Variants in ITGA6 observed in about 807,000 individuals in gnomAD.
ITGA6 encodes the protein integrin subunit alpha 6, also known as integrin alpha-6.
A neutral mutation model predicts 133.6 loss-of-function variants in ITGA6; 63 were observed. That is an observed-to-expected ratio of 0.47 (90% CI 0.38 to 0.58). ITGA6 has a LOEUF of 0.58. ITGA6 is among the 20% of genes least tolerant of loss of function. ITGA6 has a pLI of 0.00. For synonymous variants in ITGA6, 434 were observed against 482.0 expected, an observed-to-expected ratio of 0.90 and a Z score of 1.30; for missense variants, 1,068 against 1,309.4, an observed-to-expected ratio of 0.82 and a Z score of 2.85.
At chr2:172,454,685 A>G (rs779036581) in intron 1 of ITGA6, among the ~76,000 whole-genome samples, 4 of 152,186 alleles carry the variant, frequency 2.6e-5, no homozygotes, top group Non-Finnish European at 5.9e-5. Context: ...CTGCTGCTAC[A>G]TTAGGTTAAA....
At chr2:172,441,887 C>T (rs1684558696) in intron 1 of ITGA6, among the ~76,000 whole-genome samples, 2 of 152,104 alleles carry the variant, frequency 1.3e-5, no homozygotes, top group Admixed American at 1.3e-4. Context: ...CCCACTAGAA[C>T]CCCATCCCGC....
chr2:172,430,292 A>G (rs1684054372), intron 1 of ITGA6, among the ~76,000 whole-genome samples: 1 of 152,238 alleles, frequency 6.6e-6, no homozygotes, highest in East Asian at 1.9e-4. Flanking sequence ...TTGTGTACCT[A>G]CTGTGTGTCA....
chr2:172,498,413 G>C (rs1319912268), intron 24 of ITGA6, among the ~76,000 whole-genome samples: 5 of 152,136 alleles, frequency 3.3e-5, no homozygotes, highest in African/African-American at 1.2e-4. Flanking sequence ...TAAGATATAA[G>C]TCTGGATCTA....
At chr2:172,441,750 T>C (rs1464699425) in intron 1 of ITGA6, among the ~76,000 whole-genome samples, 1 of 152,194 alleles carries the variant, frequency 6.6e-6, no homozygotes, top group East Asian at 1.9e-4. Flanking sequence ...CCTGGAAAGG[T>C]AGACCACCAT....
intron 4 of ITGA6, among the ~76,000 whole-genome samples, chr2:172,469,777 T>G (rs6755605): frequency 0.15 from 22,342 of 152,208 alleles, 1,755 homozygotes; most frequent in South Asian, 0.18. Flanking sequence ...ACATGGACAT[T>G]AATAACAGAG....
chr2:172,470,503 A>G (rs959428653), intron 4 of ITGA6, among the ~76,000 whole-genome samples: 6 of 152,182 alleles, frequency 3.9e-5, no homozygotes, highest in Non-Finnish European at 8.8e-5. Flanking sequence ...ATGAAAACTT[A>G]TGTTTTAAAT....
chr2:172,487,714 TTA>T lies in ITGA6; in HGVS notation c.2245-12_2245-11del, dbSNP rs1426419295. On this transcript the variant is annotated splice_polypyrimidine_tract_variant and intron_variant, in intron 16 of 25. Coordinates refer to ENST00000684293, the MANE Select transcript of ITGA6 (RefSeq NM_000210.4). ...ATGCATGGCCTGTGTTAACAGCTAT[TTA>T]TGTTTTTTTAGGTCACTTTTTATTT... 1 of 1,605,808 alleles carries T rather than the reference TTA, an allele frequency of 6.2e-7. No homozygotes were observed. Among genetic ancestry groups the T allele is most frequent in the Non-Finnish European group, 8.5e-7 (1 of 1,173,128 alleles).
rs1387497649 is a variant in ITGA6 at position 172,506,124 on chromosome 2, A to ATTAT, written c.*2059_*2062dup. 1 of 152,632 alleles carries ATTAT rather than the reference A, an allele frequency of 6.6e-6. No individual in the cohort carries two copies. Among genetic ancestry groups the ATTAT allele is most frequent in the African/African-American group, 2.4e-5 (1 of 41,460 alleles). 9.5% of individuals were successfully genotyped at this position (152,632 alleles called of 1,614,324 possible). On this transcript the variant is annotated 3_prime_UTR_variant, in exon 26 of 26. Coordinates refer to ENST00000684293, the MANE Select transcript of ITGA6 (RefSeq NM_000210.4). ...TTTTTGTACTAACTAGCATTGTAAA[A>ATTAT]TTATTTCATGATTAGAAATTACCTG...
At chr2:172,438,242 C>T (rs1684405082) in intron 1 of ITGA6, among the ~76,000 whole-genome samples, 1 of 151,624 alleles carries the variant, frequency 6.6e-6, no homozygotes, top group Admixed American at 6.6e-5. Context: ...GTTGGTGTGA[C>T]CTCACCAACT....
rs1685635954 is a variant in ITGA6 at position 172,465,716 on chromosome 2, T to C, written c.307+53T>C. On this transcript the variant is annotated intron_variant, in intron 2 of 25. Transcript: ENST00000684293. ...CACTCCGGCAGCTTGCCTGTACTGTTTCCATGAGGGAGGAGAGTGGGGACA... is the reference window on the plus strand; with the variant it reads ...CACTCCGGCAGCTTGCCTGTACTGTCTCCATGAGGGAGGAGAGTGGGGACA... The C allele has an allele frequency of 3.7e-6, 6 of 1,612,410 alleles. No homozygotes were observed. In the East Asian group the frequency reaches 1.3e-4, roughly 36 times the overall value.
Position 172,491,214 on chromosome 2 carries a change from T to C in ITGA6, c.2779-7T>C. Reference sequence around the variant, plus strand: ...CTTTTGATGACCATTCTTCTTTTTCTCTCTAGAACTGTAGCGTGAACGTGA... The same window carrying C: ...CTTTTGATGACCATTCTTCTTTTTCCCTCTAGAACTGTAGCGTGAACGTGA... On this transcript the variant is annotated splice_polypyrimidine_tract_variant and splice_region_variant and intron_variant, in intron 21 of 25. Coordinates refer to ENST00000684293, the MANE Select transcript of ITGA6 (RefSeq NM_000210.4). The surrounding 1 kb of genome is among the most constrained non-coding windows in gnomAD (Gnocchi z 4.4). The C allele has an allele frequency of 6.3e-7, 1 of 1,585,846 alleles. No individual in the cohort carries two copies. The highest frequency in any genetic ancestry group is 8.7e-7 in the Non-Finnish European group (1 of 1,154,332).
intron 1 of ITGA6, among the ~76,000 whole-genome samples, chr2:172,461,570 T>C (rs1685428080): frequency 6.6e-6 from 1 of 152,204 alleles, no homozygotes; most frequent in African/African-American, 2.4e-5. Context: ...CTTTCCTCCT[T>C]CAAACGTACT....
At chr2:172,467,616 G>A in intron 3 of ITGA6, 56 bp downstream of exon 3, 1 of 1,371,406 alleles carries the variant, frequency 7.3e-7, no homozygotes, top group Non-Finnish European at 1.0e-6. Flanking sequence ...TTATGTGCCA[G>A]CACCAGGCTT....
At position 172,427,602 on chromosome 2, in the gene ITGA6, G is replaced by A; in HGVS notation, c.-187G>A. ...CCAGAGAACAACGGGCTCATTCAGC[G>A]GTCGCGAGCTGCCCGCGAGGGGGAG... On this transcript the variant is annotated 5_prime_UTR_variant, in exon 1 of 26. Coordinates refer to ENST00000684293, the MANE Select transcript of ITGA6 (RefSeq NM_000210.4). The A allele has an allele frequency of 7.9e-7, 1 of 1,270,146 alleles. No homozygotes were observed. Among genetic ancestry groups the A allele is most frequent in the Non-Finnish European group, 9.9e-7 (1 of 1,011,302 alleles). The allele number at this position is 1,270,146 out of a possible 1,614,324, so 78.7% of individuals were successfully genotyped here.
chr2:172,452,609 G>A (rs1055702402), intron 1 of ITGA6, among the ~76,000 whole-genome samples: 3 of 152,164 alleles, frequency 2.0e-5, no homozygotes, highest in African/African-American at 7.2e-5. Context: ...GTAGCCATGT[G>A]GGGAATCCAA....
chr2:172,436,681 C>T (rs1465272136), intron 1 of ITGA6, among the ~76,000 whole-genome samples: 2 of 152,158 alleles, frequency 1.3e-5, no homozygotes, highest in South Asian at 2.1e-4. Context: ...TCTGGACCTG[C>T]CAGAGAAACC....
rs1212331750 is a variant in ITGA6, at chr2:172,504,114, G to A, written c.*46G>A. 1 of 1,597,394 alleles carries A rather than the reference G, an allele frequency of 6.3e-7. No homozygotes were observed. The highest frequency in any genetic ancestry group is 1.7e-5 in the Admixed American group (1 of 57,762). ...AGTGTGGATTCTTTAAACGCTCTAG[G>A]TACGATGACAGTGTTCCCCGATACC... On this transcript the variant is annotated 3_prime_UTR_variant, in exon 26 of 26. Coordinates refer to ENST00000684293, the MANE Select transcript of ITGA6 (RefSeq NM_000210.4).
chr2:172,441,375 T>C (rs911349295), intron 1 of ITGA6, among the ~76,000 whole-genome samples: 57 of 151,934 alleles, frequency 3.8e-4, no homozygotes, highest in Admixed American at 1.0e-3. Context: ...CTGACACTTG[T>C]AACTCTTAAA....
intron 9 of ITGA6, among the ~76,000 whole-genome samples, chr2:172,477,151 A>T (rs151164864): frequency 1.9e-4 from 29 of 151,850 alleles, no homozygotes; most frequent in African/African-American, 6.8e-4. Flanking sequence ...AAACATTCTT[A>T]CTTTTGTTTA....
Sources: allele counts gnomAD v4.1 joint callset (sites outside exome capture counted in the v4.1 genomes callset), GRCh38; gene constraint gnomAD v4.1.1; non-coding constraint Gnocchi (gnomAD v3.1); transcripts MANE v1.5; gene names NCBI Gene and HGNC (gene_info 2026-07-23, HGNC 2026-07-21).